Variants in KANTR observed in about 807,000 individuals in gnomAD.
The protein encoded by KANTR is KDM5C adjacent transcript.
chrX:53,143,050 C>T (rs879998444), downstream of KANTR: 6 of 1,200,627 alleles, frequency 5.0e-6, no homozygotes, highest in African/African-American at 1.8e-5. Context: ...CAGGTCTTTG[C>T]GGATGTCCAC....
At chrX:53,106,326 G>T (rs1556812809) in intron 2 of KANTR, among the ~76,000 whole-genome samples, 1 of 110,257 alleles carries the variant, frequency 9.1e-6, no homozygotes, top group African/African-American at 3.4e-5. Flanking sequence ...CTAAATCAGG[G>T]TGACAAAGAT....
chrX:53,116,900 T>A (rs1332984405), intron 2 of KANTR, among the ~76,000 whole-genome samples: 2 of 111,866 alleles, frequency 1.8e-5, no homozygotes, highest in African/African-American at 6.5e-5. Flanking sequence ...TCAATTCCCC[T>A]AACAGCAAAA....
At chrX:53,105,467 C>T (rs782635511) in intron 2 of KANTR, among the ~76,000 whole-genome samples, 24 of 99,874 alleles carry the variant, frequency 2.4e-4, no homozygotes, top group African/African-American at 7.7e-4. Context: ...GATTATGTGT[C>T]TTTTTATTAT....
At position 53,095,274 on chromosome X, in the gene KANTR, A is replaced by G. The variant is rs1052073227; in HGVS notation, c.-942+990A>G. On this transcript the variant is annotated intron_variant, in intron 1 of 2. Coordinates refer to ENST00000604062, the Ensembl canonical transcript of KANTR. ...AGATCTCCTGGTTATGTCTCCATAC[A>G]GCCCTGGACATCCTATTTTCTATTT... 3.6e-5 allele frequency among the ~76,000 whole-genome samples: 4 copies of G among 111,978 alleles called. No individual in the cohort carries two copies. In the Admixed American group the frequency reaches 3.8e-4, roughly 11 times the overall value.
At chrX:53,143,511 CCA>C, downstream of KANTR, 1 of 602,012 alleles carries the variant, frequency 1.7e-6, no homozygotes. Flanking sequence ...GCCTGGATGG[CCA>C]CATACATGGC....
Position 53,105,858 on chromosome X carries a change from T to C in KANTR, c.-805+6250T>C, listed in dbSNP as rs1226294823. Among the ~76,000 whole-genome samples, 7 of 87,387 alleles carry C rather than the reference T, an allele frequency of 8.0e-5. No individual in the cohort carries two copies. In the South Asian group the frequency reaches 1.8e-3, roughly 23 times the overall value. 75.9% of individuals were successfully genotyped at this position (87,387 alleles called of 115,157 possible). A position where few individuals can be genotyped will look rare whatever the true frequency, so the allele number is the denominator to read the frequency against. On this transcript the variant is annotated intron_variant, in intron 2 of 2. Transcript: ENST00000604062. Reference sequence around the variant, plus strand: ...TGTCAGATAATATGTTTTTTTCTTTTTTTTTTTTTTTTTTTTTGAGACAGA... The same window carrying C: ...TGTCAGATAATATGTTTTTTTCTTTCTTTTTTTTTTTTTTTTTGAGACAGA...
chrX:53,136,831 T>C (rs1237007703), intron 2 of KANTR, among the ~76,000 whole-genome samples: 1 of 95,221 alleles, frequency 1.1e-5, no homozygotes, highest in Non-Finnish European at 2.1e-5. Context: ...GCAACCTCCC[T>C]CTCCTAGGTT....
chrX:53,120,780 G>A (rs1209758895), intron 2 of KANTR, among the ~76,000 whole-genome samples: 1 of 110,879 alleles, frequency 9.0e-6, no homozygotes, highest in African/African-American at 3.3e-5. Flanking sequence ...GGAGTGCAGT[G>A]GCGTGATCTC....
downstream of KANTR, among the ~76,000 whole-genome samples, chrX:53,147,527 T>C (rs1180620090): frequency 1.8e-5 from 2 of 111,310 alleles, no homozygotes; most frequent in Non-Finnish European, 3.8e-5. Flanking sequence ...TGGGAGACTT[T>C]AACACCCCAC....
intron 2 of KANTR, among the ~76,000 whole-genome samples, chrX:53,106,897 C>T (rs1473804398): frequency 2.7e-5 from 3 of 110,190 alleles, no homozygotes; most frequent in African/African-American, 1.0e-4. Flanking sequence ...GCAGGAGGAT[C>T]ACTTTAGCCC....
intron 1 of KANTR, among the ~76,000 whole-genome samples, chrX:53,095,172 T>C (rs1932837254): frequency 1.8e-5 from 2 of 112,420 alleles, no homozygotes; most frequent in South Asian, 7.3e-4. Context: ...CACCCAAAGT[T>C]GGGAGCAACT....
downstream of KANTR, chrX:53,143,637 G>T (rs147880189): frequency 2.7e-6 from 2 of 736,510 alleles, no homozygotes; most frequent in African/African-American, 4.2e-5. Context: ...TGCACAGCTC[G>T]TTGTAGAAGG....
intron 2 of KANTR, among the ~76,000 whole-genome samples, chrX:53,103,576 C>T (rs1363539247): frequency 2.7e-5 from 3 of 111,033 alleles, no homozygotes; most frequent in Non-Finnish European, 3.8e-5. Flanking sequence ...TCCACTTTAT[C>T]GGGCACTGCC....
chrX:53,142,929 C>T (rs1190282103), downstream of KANTR: 44 of 714,838 alleles, frequency 6.2e-5, no homozygotes, highest in East Asian at 6.9e-4. Context: ...CAATCCACAC[C>T]GAGTACTTGT....
intron 2 of KANTR, chrX:53,113,253 C>T (rs1933068461): frequency 1.0e-5 from 2 of 194,686 alleles, no homozygotes; most frequent in African/African-American, 3.1e-5. Flanking sequence ...AGGACCAGCA[C>T]CACTTTCCCA....
intron 1 of KANTR, 129 bp downstream of exon 1, chrX:53,094,413 G>A (rs1932832103): frequency 8.9e-6 from 1 of 112,263 alleles, no homozygotes; most frequent in African/African-American, 3.2e-5. Flanking sequence ...AGCGGGTTGC[G>A]GAGGATCGTG....
intron 2 of KANTR, among the ~76,000 whole-genome samples, chrX:53,138,337 G>A (rs900585885): frequency 1.5e-4 from 16 of 107,696 alleles, no homozygotes; most frequent in East Asian, 6.2e-4. Context: ...CAACAGGCGC[G>A]AGTCACCACG....
At chrX:53,145,363 C>T (rs1358519028), downstream of KANTR, among the ~76,000 whole-genome samples, 2 of 112,180 alleles carry the variant, frequency 1.8e-5, no homozygotes, top group African/African-American at 6.5e-5. Context: ...TATATCCCGC[C>T]CCTGGCTCGG....
At chrX:53,098,321 A>T (rs1390170603) in intron 1 of KANTR, among the ~76,000 whole-genome samples, 11 of 112,076 alleles carry the variant, frequency 9.8e-5, no homozygotes, top group African/African-American at 3.6e-4. Context: ...AATGCTAAAG[A>T]TCATCCCAGC....
Sources: allele counts gnomAD v4.1 joint callset (sites outside exome capture counted in the v4.1 genomes callset), GRCh38; gene constraint gnomAD v4.1.1; transcripts MANE v1.5; gene names NCBI Gene and HGNC (gene_info 2026-07-23, HGNC 2026-07-21).